Variants in DOCK1 observed in about 807,000 individuals in gnomAD.
DOCK1 encodes dedicator of cytokinesis 1, also known as dedicator of cytokinesis protein 1.
In DOCK1, 138 loss-of-function variants were observed where a neutral mutation model predicts 262.7. The observed-to-expected ratio is 0.53, with a 90% CI of 0.46 to 0.61. The LOEUF is 0.61. Ranked by LOEUF, DOCK1 falls within the 20% of genes least tolerant of loss-of-function variation. The pLI is 0.00. For missense variants in DOCK1, 1,908 were observed against 2,370.7 expected, an observed-to-expected ratio of 0.80 and a Z score of 4.05; for synonymous variants, 866 against 867.4, an observed-to-expected ratio of 1.00 and a Z score of 0.03.
At position 127,451,640 on chromosome 10, in the gene DOCK1, C is replaced by T. The variant is rs2070979787; in HGVS notation, c.*213C>T. ...TGGGTCTGGGAGGTAGATATGGGTC[C>T]GGGATGTGCTATCGTAGTTATCAGA... On this transcript the variant is annotated 3_prime_UTR_variant, in exon 52 of 52. Transcript: ENST00000623213. 9.3e-6 allele frequency: 11 copies of T among 1,179,752 alleles called. No individual in the cohort carries two copies. The highest frequency in any genetic ancestry group is 4.9e-5 in the South Asian group (3 of 60,958). 73.1% of individuals were successfully genotyped at this position (1,179,752 alleles called of 1,614,324 possible). A position where few individuals can be genotyped will look rare whatever the true frequency, so the allele number is the denominator to read the frequency against.
intron 27 of DOCK1, among the ~76,000 whole-genome samples, chr10:127,130,112 C>T (rs10829433): frequency 0.05 from 6,518 of 130,692 alleles, 517 homozygotes; most frequent in African/African-American, 0.15. Context: ...GAGATAGAGT[C>T]TTGCTCTGTC....
At chr10:127,260,780 G>GT (rs2060010617) in intron 29 of DOCK1, among the ~76,000 whole-genome samples, 3 of 81,740 alleles carry the variant, frequency 3.7e-5, no homozygotes, top group African/African-American at 1.6e-4. Context: ...TGTGCATGTG[G>GT]GTGTGTGTGT....
At chr10:127,308,225 G>A (rs2061945739) in intron 29 of DOCK1, among the ~76,000 whole-genome samples, 1 of 152,184 alleles carries the variant, frequency 6.6e-6, no homozygotes, top group South Asian at 2.1e-4. Flanking sequence ...TTCATGCCAG[G>A]TGGTGCCGTC....
At chr10:127,336,740 T>A (rs571980886) in intron 29 of DOCK1, among the ~76,000 whole-genome samples, 2 of 152,146 alleles carry the variant, frequency 1.3e-5, no homozygotes, top group South Asian at 4.2e-4. Context: ...GGGGTTTCAC[T>A]GTGTTAGCCA....
chr10:126,963,316 TC>T lies in DOCK1; in HGVS notation c.47-7383del, dbSNP rs2037369965. ...ATTGACATCTTAACAATATTAAGTC[TC>T]CCACTCCATGAACACAAATATTTTT... On this transcript the variant is annotated intron_variant, in intron 1 of 51. Coordinates refer to ENST00000623213, the MANE Select transcript of DOCK1 (RefSeq NM_001290223.2). 2.0e-5 allele frequency among the ~76,000 whole-genome samples: 3 copies of T among 152,288 alleles called. No individual in the cohort carries two copies. The East Asian group carries it at 5.8e-4, about 29-fold the overall frequency.
chr10:127,357,571 C>T (rs1271656798), intron 32 of DOCK1, among the ~76,000 whole-genome samples: 4 of 152,330 alleles, frequency 2.6e-5, no homozygotes, highest in South Asian at 2.1e-4. Context: ...AAGCTCCCCC[C>T]TTCCCTCCTA....
chr10:127,302,741 G>GTGTGTGTGTGT (rs1554944046), intron 29 of DOCK1, among the ~76,000 whole-genome samples: 14 of 108,164 alleles, frequency 1.3e-4, no homozygotes, highest in Admixed American at 8.9e-4. Flanking sequence ...GAAAAGAGGG[G>GTGTGTGTGTGT]GTGTGTGTGT....
At chr10:127,122,687 G>A (rs1485025900) in intron 25 of DOCK1, among the ~76,000 whole-genome samples, 1 of 151,646 alleles carries the variant, frequency 6.6e-6, no homozygotes, top group Non-Finnish European at 1.5e-5. Flanking sequence ...TCTGTATTGG[G>A]ACAAAATGAC....
intron 10 of DOCK1, among the ~76,000 whole-genome samples, chr10:127,004,476 G>A (rs1177881812): frequency 1.3e-5 from 2 of 152,100 alleles, no homozygotes; most frequent in Non-Finnish European, 2.9e-5. Flanking sequence ...GTCAGGTGCT[G>A]TGGTTCATGC....
chr10:127,143,872 A>G (rs1308824749), intron 27 of DOCK1, among the ~76,000 whole-genome samples: 1 of 152,122 alleles, frequency 6.6e-6, no homozygotes, highest in Admixed American at 6.5e-5. Flanking sequence ...CTCCGTGTGC[A>G]TATCTGAGGG....
At chr10:127,334,241 T>C (rs1278596967) in intron 29 of DOCK1, among the ~76,000 whole-genome samples, 1 of 152,194 alleles carries the variant, frequency 6.6e-6, no homozygotes, top group Non-Finnish European at 1.5e-5. Flanking sequence ...CATGAAGCCA[T>C]TGATAGATAG....
At chr10:127,391,491 G>A (rs187787959) in intron 38 of DOCK1, among the ~76,000 whole-genome samples, 3 of 152,262 alleles carry the variant, frequency 2.0e-5, no homozygotes, top group Admixed American at 2.0e-4. Flanking sequence ...TATGCGCCTC[G>A]GTGATGTTGT....
At chr10:127,450,702 T>C (rs940744102) in intron 51 of DOCK1, among the ~76,000 whole-genome samples, 3 of 152,166 alleles carry the variant, frequency 2.0e-5, no homozygotes, top group Admixed American at 1.3e-4. Context: ...CATTGGAAAT[T>C]AATGTTCTTT....
At chr10:127,393,871 T>C (rs751338244) in intron 38 of DOCK1, among the ~76,000 whole-genome samples, 1 of 151,524 alleles carries the variant, frequency 6.6e-6, no homozygotes, top group Non-Finnish European at 1.5e-5. Context: ...TTCATTCTTT[T>C]ACGTTTCCTC....
At chr10:127,186,305 G>A (rs1483433153) in intron 27 of DOCK1, among the ~76,000 whole-genome samples, 1 of 152,172 alleles carries the variant, frequency 6.6e-6, no homozygotes, top group Admixed American at 6.5e-5. Context: ...AATCATGGCA[G>A]AAGGCAAAGG....
At chr10:127,118,703 G>A (rs985605035) in intron 25 of DOCK1, among the ~76,000 whole-genome samples, 42 of 152,186 alleles carry the variant, frequency 2.8e-4, no homozygotes, top group African/African-American at 9.6e-4. Context: ...GCAGATTACC[G>A]CATTTCTAAC....
intron 27 of DOCK1, among the ~76,000 whole-genome samples, chr10:127,206,041 T>C (rs182274374): frequency 6.6e-6 from 1 of 152,180 alleles, no homozygotes; most frequent in East Asian, 1.9e-4. Context: ...CTGTTTATCA[T>C]GCACTTAGAG....
chr10:127,251,885 G>A (rs1267669869), intron 28 of DOCK1, among the ~76,000 whole-genome samples: 1 of 150,418 alleles, frequency 6.6e-6, no homozygotes, highest in African/African-American at 2.4e-5. Context: ...ATAGTCCTTT[G>A]GGTATATACC....
Position 127,176,976 on chromosome 10 carries a change from T to A in DOCK1, c.2847+49212T>A, listed in dbSNP as rs1289340385. On this transcript the variant is annotated intron_variant, in intron 27 of 51. Coordinates refer to ENST00000623213, the MANE Select transcript of DOCK1 (RefSeq NM_001290223.2). The surrounding 1 kb of genome is among the most constrained non-coding windows in gnomAD (Gnocchi z 4.4). ...AGCCGTTATGGATTCCGGGGGAGAGTTGGCCGTGCTCCTGGGTGGGAACCG... is the reference window on the plus strand; with the variant it reads ...AGCCGTTATGGATTCCGGGGGAGAGATGGCCGTGCTCCTGGGTGGGAACCG... 1 of 151,680 alleles carries A rather than the reference T, an allele frequency of 6.6e-6. No individual in the cohort carries two copies. Among genetic ancestry groups the A allele is most frequent in the Non-Finnish European group, 1.5e-5 (1 of 68,136 alleles). The allele number at this position is 151,680 out of a possible 1,614,324, so 9.4% of individuals were successfully genotyped here. A position where few individuals can be genotyped will look rare whatever the true frequency, so the allele number is the denominator to read the frequency against.
Sources: gnomAD v4.1 joint callset for allele counts (sites outside exome capture counted in the v4.1 genomes callset) on GRCh38, gnomAD v4.1.1 for gene constraint, Gnocchi (gnomAD v3.1) non-coding constraint, MANE v1.5 for transcripts, NCBI Gene and HGNC (gene_info 2026-07-23, HGNC 2026-07-21) for gene names.